The following MARCHF4 variants were observed in gnomAD, a reference collection of about 807,000 sequenced individuals.
MARCHF4 encodes membrane associated ring-CH-type finger 4.
A neutral mutation model predicts 43.9 loss-of-function variants in MARCHF4; 14 were observed. The ratio of observed to expected loss-of-function variants is 0.32; its 90% CI spans 0.21 to 0.50. MARCHF4 has a LOEUF of 0.50. MARCHF4 is among the 20% of genes least tolerant of loss of function. The pLI, the probability that MARCHF4 is intolerant of heterozygous loss-of-function variation, is 0.98. For synonymous variants in MARCHF4, 226 were observed against 213.3 expected (o/e 1.06, Z -0.52); for missense variants, 468 against 536.7 (o/e 0.87, Z 1.27).
chr2:216,307,445 T>G (rs1167069337), intron 1 of MARCHF4, among the ~76,000 whole-genome samples: 5 of 152,066 alleles, frequency 3.3e-5, no homozygotes, highest in Non-Finnish European at 5.9e-5. Flanking sequence ...TGTGGAAGTT[T>G]CTGTGAGGAA....
intron 1 of MARCHF4, among the ~76,000 whole-genome samples, chr2:216,369,039 G>A (rs2105988663): frequency 6.6e-6 from 1 of 152,280 alleles, no homozygotes; most frequent in East Asian, 1.9e-4. Flanking sequence ...GTCTGAAAAG[G>A]GAAATAGCAA....
chr2:216,279,674 G>A (rs1045005367), intron 2 of MARCHF4, among the ~76,000 whole-genome samples: 1 of 152,302 alleles, frequency 6.6e-6, no homozygotes, highest in South Asian at 2.1e-4. Context: ...TAACTGTTGG[G>A]AAACATTTCA....
At position 216,282,287 on chromosome 2, in the gene MARCHF4, A is replaced by AAC. The variant is rs372805146; in HGVS notation, c.672+1285_672+1286dup. ...AACCCCAGCACACTTGTGTGTGTGC[A>AAC]ACACACACACACATACACACACACT... is the stretch of plus-strand genomic sequence containing the variant. On this transcript the variant is annotated intron_variant, in intron 2 of 3. Transcript: ENST00000273067. Among the ~76,000 whole-genome samples the AAC allele has an allele frequency of 2.2e-4, 34 of 152,026 alleles. 1 individual carries two copies. The highest frequency in any genetic ancestry group is 1.9e-3 in the Admixed American group (29 of 15,284).
At chr2:216,260,431 T>C (rs111826106) in intron 3 of MARCHF4, among the ~76,000 whole-genome samples, 3 of 152,198 alleles carry the variant, frequency 2.0e-5, no homozygotes. Context: ...GGCACTGAGA[T>C]CCTGTTTTAG....
chr2:216,352,058 G>A (rs532968113), intron 1 of MARCHF4, among the ~76,000 whole-genome samples: 65 of 152,294 alleles, frequency 4.3e-4, no homozygotes, highest in African/African-American at 1.5e-3. Context: ...CCAGAAAATG[G>A]CCTCTAGGTA....
At chr2:216,363,467 A>G (rs926476912) in intron 1 of MARCHF4, among the ~76,000 whole-genome samples, 1 of 152,220 alleles carries the variant, frequency 6.6e-6, no homozygotes, top group Admixed American at 6.5e-5. Context: ...CCTGTGAAAG[A>G]GCCTGTAACC....
chr2:216,294,076 T>G (rs769524405), intron 1 of MARCHF4, among the ~76,000 whole-genome samples: 2 of 152,254 alleles, frequency 1.3e-5, no homozygotes, highest in Non-Finnish European at 2.9e-5. Flanking sequence ...AAATCTTGCA[T>G]GACCAGAATT....
chr2:216,355,169 A>G (rs1347022789), intron 1 of MARCHF4, among the ~76,000 whole-genome samples: 1 of 152,030 alleles, frequency 6.6e-6, no homozygotes, highest in East Asian at 1.9e-4. Context: ...ACGGGGTTTC[A>G]CTATGTTGGT....
At chr2:216,302,268 G>A (rs940050055) in intron 1 of MARCHF4, among the ~76,000 whole-genome samples, 1 of 152,042 alleles carries the variant, frequency 6.6e-6, no homozygotes, top group Admixed American at 6.5e-5. Context: ...ACCCAGGCTG[G>A]AGTGCAGTGG....
chr2:216,323,673 T>A (rs1205699162), intron 1 of MARCHF4, among the ~76,000 whole-genome samples: 1 of 151,700 alleles, frequency 6.6e-6, no homozygotes, highest in Non-Finnish European at 1.5e-5. Context: ...TCAAAACCAC[T>A]CAACTACATG....
chr2:216,341,078 G>T (rs1374003304), intron 1 of MARCHF4, among the ~76,000 whole-genome samples: 1 of 152,116 alleles, frequency 6.6e-6, no homozygotes, highest in Non-Finnish European at 1.5e-5. Context: ...TGAGTGGCTG[G>T]GCCCCAGGAA....
chr2:216,338,453 T>C (rs1327448861), intron 1 of MARCHF4, among the ~76,000 whole-genome samples: 6 of 152,206 alleles, frequency 3.9e-5, no homozygotes, highest in Non-Finnish European at 7.3e-5. Flanking sequence ...CAACAGTGGC[T>C]GTTTGCCTCC....
intron 1 of MARCHF4, among the ~76,000 whole-genome samples, chr2:216,356,579 C>G (rs1412513447): frequency 1.3e-5 from 2 of 152,166 alleles, no homozygotes; most frequent in Admixed American, 1.3e-4. Context: ...AGCCTGGATT[C>G]TAATACAGGT....
In MARCHF4 at chr2:216,288,006, C is replaced by T. The variant is rs542690421; in HGVS notation, c.517-4277G>A. Among the ~76,000 whole-genome samples, 7 of 152,162 alleles carry T rather than the reference C, an allele frequency of 4.6e-5. No homozygotes were observed. The South Asian group carries it at 1.5e-3, about 32-fold the overall frequency. ...ACACGATTTCACTCTGTTGCCCAGG[C>T]TGGGGTGCAGAGTAGCATGATCATG... On this transcript the variant is annotated intron_variant, in intron 1 of 3. Coordinates refer to ENST00000273067, the MANE Select transcript of MARCHF4 (RefSeq NM_020814.3).
intron 1 of MARCHF4, among the ~76,000 whole-genome samples, chr2:216,341,666 C>T (rs1033807368): frequency 6.6e-6 from 1 of 152,348 alleles, no homozygotes; most frequent in South Asian, 2.1e-4. Flanking sequence ...TGGAGGACAG[C>T]AACACCGGTG....
intron 3 of MARCHF4, among the ~76,000 whole-genome samples, chr2:216,260,972 G>T (rs1291224514): frequency 6.6e-6 from 1 of 152,176 alleles, no homozygotes; most frequent in Non-Finnish European, 1.5e-5. Context: ...TGACTCGCAG[G>T]GTGGGAGTGA....
chr2:216,262,746 A>G (rs1219155683), intron 3 of MARCHF4, among the ~76,000 whole-genome samples: 1 of 152,216 alleles, frequency 6.6e-6, no homozygotes, highest in Non-Finnish European at 1.5e-5. Flanking sequence ...CACACCAAAC[A>G]TCCCCTTTTT....
chr2:216,370,756 G>C lies in MARCHF4; in HGVS notation c.-496C>G, dbSNP rs1366151241. 1 of 152,906 alleles carries C rather than the reference G, an allele frequency of 6.5e-6. No individual in the cohort carries two copies. The highest frequency in any genetic ancestry group is 1.5e-5 in the Non-Finnish European group (1 of 68,598). The allele number at this position is 152,906 out of a possible 1,614,324, so 9.5% of individuals were successfully genotyped here. A position where few individuals can be genotyped will look rare whatever the true frequency, so the allele number is the denominator to read the frequency against. Reference sequence around the variant, plus strand: ...ACAATTGTAAATCAAATCTGGAGTGGATTGAGCTGGGCTTAGAGAAAACTA... The same window carrying C: ...ACAATTGTAAATCAAATCTGGAGTGCATTGAGCTGGGCTTAGAGAAAACTA... On this transcript the variant is annotated 5_prime_UTR_variant, in exon 1 of 4. In the 5' UTR this introduces an upstream ATG that the reference lacks. Coordinates refer to ENST00000273067, the MANE Select transcript of MARCHF4 (RefSeq NM_020814.3).
chr2:216,361,856 C>T (rs1692588345), intron 1 of MARCHF4, among the ~76,000 whole-genome samples: 1 of 152,206 alleles, frequency 6.6e-6, no homozygotes, highest in African/African-American at 2.4e-5. Flanking sequence ...TTCCAGGTCT[C>T]TGAGACACAC....
Sources: allele counts gnomAD v4.1 joint callset (sites outside exome capture counted in the v4.1 genomes callset), GRCh38; gene constraint gnomAD v4.1.1; transcripts MANE v1.5; gene names NCBI Gene and HGNC (gene_info 2026-07-23, HGNC 2026-07-21).